The following MCPH1 variants were observed in gnomAD, a reference collection of about 807,000 sequenced individuals.
MCPH1 encodes the protein microcephalin 1.
MCPH1 carries 104 observed loss-of-function variants against 84.5 expected under a neutral mutation model. The ratio of observed to expected loss-of-function variants is 1.23; its 90% confidence interval spans 1.05 to 1.45. The LOEUF is 1.45. MCPH1 is among the 40% of genes most tolerant of loss of function. MCPH1 has a pLI of 0.00. For missense variants in MCPH1, 1,498 were observed against 1,005.7 expected, an observed-to-expected ratio of 1.49 and a Z score of -6.62; for synonymous variants, 514 against 366.8, an observed-to-expected ratio of 1.40 and a Z score of -4.58.
At chr8:6,433,538 CAGG>C (rs1202887192) in intron 4 of MCPH1, among the ~76,000 whole-genome samples, 1 of 144,220 alleles carries the variant, frequency 6.9e-6, no homozygotes, top group Admixed American at 7.4e-5. Context: ...GAGGCTGAGG[CAGG>C]AGAATTGCTT....
intron 12 of MCPH1, among the ~76,000 whole-genome samples, chr8:6,569,108 A>G (rs1413982529): frequency 6.6e-6 from 1 of 152,182 alleles, no homozygotes; most frequent in African/African-American, 2.4e-5. Context: ...TACAGGGAAA[A>G]CCATTAGAAG....
Position 6,473,255 on chromosome 8 carries a change from T to C in MCPH1, c.1936-4339T>C, listed in dbSNP as rs138924811. Among the ~76,000 whole-genome samples, 189 of 151,960 alleles carry C rather than the reference T, an allele frequency of 1.2e-3. 3 individuals are homozygous for C. The East Asian group carries it at 0.03, about 25-fold the overall frequency. ...AATAAACTTAAAAGATATCCACTTA[T>C]ATTTCTTCAGATTTATTAATTCTGT... is the stretch of plus-strand genomic sequence containing the variant. On this transcript the variant is annotated intron_variant, in intron 9 of 13. Coordinates refer to ENST00000344683, the MANE Select transcript of MCPH1 (RefSeq NM_024596.5).
chr8:6,616,245 A>T (rs900000270), intron 12 of MCPH1: 1 of 152,192 alleles, frequency 6.6e-6, no homozygotes, highest in African/African-American at 2.4e-5. Flanking sequence ...CCAAGGAGCG[A>T]CTTTAAAGGG....
intron 12 of MCPH1, among the ~76,000 whole-genome samples, chr8:6,608,227 C>T (rs896503126): frequency 9.2e-5 from 14 of 152,216 alleles, no homozygotes; most frequent in African/African-American, 3.4e-4. Context: ...AATGCCAGGC[C>T]TCACCTGCCC....
Position 6,493,118 on chromosome 8 carries a change from C to T in MCPH1, c.2137-6734C>T, listed in dbSNP as rs12678801. On this transcript the variant is annotated intron_variant, in intron 11 of 13. Coordinates refer to ENST00000344683, the MANE Select transcript of MCPH1 (RefSeq NM_024596.5). Reference sequence around the variant, plus strand: ...TTTGTTATATTTATTTCTTTGTTTTCCTTTTGATAAGAGAAGTACGCACTT... The same window carrying T: ...TTTGTTATATTTATTTCTTTGTTTTTCTTTTGATAAGAGAAGTACGCACTT... Among the ~76,000 whole-genome samples, 58 of 152,168 alleles carry T rather than the reference C, an allele frequency of 3.8e-4. No individual in the cohort carries two copies. The East Asian group carries it at 0.011, about 29-fold the overall frequency.
At chr8:6,496,789 G>T (rs547550132) in intron 11 of MCPH1, among the ~76,000 whole-genome samples, 6 of 152,296 alleles carry the variant, frequency 3.9e-5, no homozygotes, top group Admixed American at 3.9e-4. Context: ...TCATGTTACA[G>T]TTGTATTTTC....
intron 12 of MCPH1, among the ~76,000 whole-genome samples, chr8:6,572,186 G>A (rs200736569): frequency 2.7e-5 from 4 of 149,366 alleles, no homozygotes; most frequent in Non-Finnish European, 1.5e-5. Flanking sequence ...TTTCCCTCAA[G>A]AAAAAAAAAA....
At chr8:6,491,529 G>A (rs1810586373) in intron 11 of MCPH1, among the ~76,000 whole-genome samples, 1 of 151,102 alleles carries the variant, frequency 6.6e-6, no homozygotes, top group African/African-American at 2.4e-5. Context: ...CAACATGCAG[G>A]TTTGTTACAT....
At chr8:6,608,927 T>A (rs1830011277) in intron 12 of MCPH1, among the ~76,000 whole-genome samples, 1 of 152,142 alleles carries the variant, frequency 6.6e-6, no homozygotes, top group South Asian at 2.1e-4. Flanking sequence ...AACAACATTC[T>A]AACAGCTTCC....
At position 6,409,348 on chromosome 8, in the gene MCPH1, A is replaced by T. The variant is rs764643772; in HGVS notation, c.92A>T (p.Gln31Leu). The T allele has an allele frequency of 1.9e-6, 3 of 1,613,868 alleles. No individual in the cohort carries two copies. The highest frequency in any genetic ancestry group is 2.5e-6 in the Non-Finnish European group (3 of 1,179,768). The change falls in exon 2 of 14, where the codon CAG becomes CTG. Residue 31 changes from glutamine to leucine, a missense_variant. Physicochemically the swap from Gln to Leu is moderately radical, Grantham distance 113. Transcript: ENST00000344683. The stretch of plus-strand genomic sequence containing the variant: ...AATTATTCAAAGACATTTACAACAC[A>T]GCTTGTGGATATGGGGGCAAAGGTA... ...TENYSKTFTT[Q>L]LVDMGAKVSK...
chr8:6,604,391 A>T (rs757253489), intron 12 of MCPH1, among the ~76,000 whole-genome samples: 13 of 152,238 alleles, frequency 8.5e-5, no homozygotes, highest in Admixed American at 2.6e-4. Context: ...CACTACCCTA[A>T]TGATGAATTT....
chr8:6,451,102 A>G (rs1371794855), intron 8 of MCPH1, among the ~76,000 whole-genome samples: 1 of 152,236 alleles, frequency 6.6e-6, no homozygotes, highest in African/African-American at 2.4e-5. Context: ...TTCATTAAGT[A>G]TGTTAAATTG....
At chr8:6,424,658 AATGTGTAACAGTGG>A (rs1261852403) in intron 3 of MCPH1, among the ~76,000 whole-genome samples, 6 of 152,226 alleles carry the variant, frequency 3.9e-5, no homozygotes, top group Non-Finnish European at 8.8e-5. Context: ...ATATCACATC[AATGTGTAACAGTGG>A]ATGTGTAGCC....
intron 12 of MCPH1, 200 bp downstream of exon 12, chr8:6,500,129 G>C (rs1354360170): frequency 2.7e-5 from 16 of 582,010 alleles, no homozygotes; most frequent in Non-Finnish European, 3.1e-6. Flanking sequence ...TGTGCAAAAA[G>C]TAGTGAGGAA....
At chr8:6,483,548 G>T (rs148619072) in intron 11 of MCPH1, among the ~76,000 whole-genome samples, 402 of 152,300 alleles carry the variant, frequency 2.6e-3, no homozygotes, top group Non-Finnish European at 4.4e-3. Flanking sequence ...AGGCAATTCA[G>T]TGGAGAAATT....
rs73661784 is a variant in MCPH1, at chr8:6,489,652, G to C, written c.2136+8776G>C. 6.2e-3 allele frequency among the ~76,000 whole-genome samples: 945 copies of C among 152,286 alleles called. 8 individuals carry two copies. The highest frequency in any genetic ancestry group is 0.022 in the African/African-American group (903 of 41,556). ...ACATATTGCTGATATGTTATTCCTA[G>C]ACATAATGCTGCTGCTACATCAGAG... On this transcript the variant is annotated intron_variant, in intron 11 of 13. Coordinates refer to ENST00000344683, the MANE Select transcript of MCPH1 (RefSeq NM_024596.5).
At chr8:6,528,012 C>T (rs1818705123) in intron 12 of MCPH1, among the ~76,000 whole-genome samples, 1 of 151,426 alleles carries the variant, frequency 6.6e-6, no homozygotes, top group Non-Finnish European at 1.5e-5. Context: ...TCTTCTGCCT[C>T]ATTCTCCCCA....
chr8:6,501,915 T>C (rs1259874257), intron 12 of MCPH1: 1 of 145,340 alleles, frequency 6.9e-6, no homozygotes, highest in African/African-American at 2.5e-5. Context: ...ATTTTGTTTT[T>C]GCACTTTGAA....
At chr8:6,446,267 C>A in intron 8 of MCPH1, 1 of 984,284 alleles carries the variant, frequency 1.0e-6, no homozygotes, top group Non-Finnish European at 1.2e-6. Context: ...TAGGTTCCAG[C>A]AACCAAAATT....
Sources: allele counts gnomAD v4.1 joint callset (sites outside exome capture counted in the v4.1 genomes callset), GRCh38; gene constraint gnomAD v4.1.1; transcripts MANE v1.5; gene names NCBI Gene and HGNC (gene_info 2026-07-23, HGNC 2026-07-21).